The following TAF10 variants were observed in gnomAD, a reference collection of about 807,000 sequenced individuals.
TAF10 encodes transcription initiation factor TFIID subunit 10.
In TAF10, 2 loss-of-function variants were observed where a neutral mutation model predicts 18.1. The observed-to-expected ratio is 0.11, with a 90% CI of 0.05 to 0.35. TAF10 has a LOEUF of 0.35. Among genes scored for constraint, TAF10 ranks in the 10% least tolerant of loss-of-function variants. The probability of loss-of-function intolerance (pLI) is 1.00; values close to 1 mark genes in which losing one functional copy is unlikely to be tolerated. For missense variants in TAF10, 293 were observed against 306.9 expected (o/e 0.95, Z 0.34); for synonymous variants, 158 against 134.6 (o/e 1.17, Z -1.20).
Position 6,607,501 on chromosome 11 carries a change from T to C in TAF10, c.*3421A>G, listed in dbSNP as rs778466702. 6.2e-6 allele frequency: 1 copy of C among 161,674 alleles called. No homozygotes were observed. Among genetic ancestry groups the C allele is most frequent in the Non-Finnish European group, 1.4e-5 (1 of 73,210 alleles). The allele number at this position is 161,674 out of a possible 1,614,324, so 10.0% of individuals were successfully genotyped here. A position where few individuals can be genotyped will look rare whatever the true frequency, so the allele number is the denominator to read the frequency against. ...TCCATTCCATTTTTAGATGTTAGTTTCAGTACCAGAGCCAAATAGTAAGTT... is the reference window on the plus strand; with the variant it reads ...TCCATTCCATTTTTAGATGTTAGTTCCAGTACCAGAGCCAAATAGTAAGTT... On this transcript the variant is annotated 3_prime_UTR_variant, in exon 5 of 5. Coordinates refer to ENST00000299424, the MANE Select transcript of TAF10 (RefSeq NM_006284.4).
chr11:6,609,732 G>A lies in TAF10; in HGVS notation c.*1190C>T, dbSNP rs776651238. The A allele has an allele frequency of 6.2e-6, 10 of 1,614,054 alleles. No individual in the cohort carries two copies. Among genetic ancestry groups the A allele is most frequent in the East Asian group, 4.5e-5 (2 of 44,900 alleles). On this transcript the variant is annotated 3_prime_UTR_variant, in exon 5 of 5. Transcript: ENST00000299424. ...CTTTTGCCTCCTCTCAGATTTCGTC[G>A]TGGACCAGAGCCAGGCTGTGAAGTT...
Position 6,609,532 on chromosome 11 carries a change from T to C in TAF10, c.*1390A>G. 1 of 1,614,178 alleles carries C rather than the reference T, an allele frequency of 6.2e-7. No homozygotes were observed. Among genetic ancestry groups the C allele is most frequent in the Non-Finnish European group, 8.5e-7 (1 of 1,180,040 alleles). ...TCTAGGATTTTCTCGCATCCAAATG[T>C]GCTCCCAGTGCTAGGTGCCTGCCAG... On this transcript the variant is annotated 3_prime_UTR_variant, in exon 5 of 5. Transcript: ENST00000299424.
Position 6,607,949 on chromosome 11 carries a change from A to G in TAF10, c.*2973T>C. 7.8e-7 allele frequency: 1 copy of G among 1,279,040 alleles called. No individual in the cohort carries two copies. Among genetic ancestry groups the G allele is most frequent in the Non-Finnish European group, 1.1e-6 (1 of 895,076 alleles). The allele number at this position is 1,279,040 out of a possible 1,614,324, so 79.2% of individuals were successfully genotyped here. A position where few individuals can be genotyped will look rare whatever the true frequency, so the allele number is the denominator to read the frequency against. ...TGAGAATCAAAGTCCTAGAGAGGTAAGCCTTCCCAGAGAGTATGTAATTAT... is the reference window on the plus strand; with the variant it reads ...TGAGAATCAAAGTCCTAGAGAGGTAGGCCTTCCCAGAGAGTATGTAATTAT... On this transcript the variant is annotated 3_prime_UTR_variant, in exon 5 of 5. Coordinates refer to ENST00000299424, the MANE Select transcript of TAF10 (RefSeq NM_006284.4).
Position 6,612,127 on chromosome 11 carries a change from CG to C in TAF10, c.62del (p.Pro21ArgfsTer87). On this transcript the variant is annotated frameshift_variant, in exon 1 of 5. Transcript: ENST00000299424. LOFTEE classifies it high-confidence loss of function. Reference protein sequence around the residue: ...EAAPASAASAPGPAPPVSAPA... With the variant: ...EAAPASAASAXGPAPPVSAPA... Reference sequence around the variant, plus strand: ...GAGCCGAGACCGGGGGCGCGGGGCCCGGGGCCGAGGCGGCGGAGGCCGGCGC... The same window carrying C: ...GAGCCGAGACCGGGGGCGCGGGGCCCGGGCCGAGGCGGCGGAGGCCGGCGC... The C allele has an allele frequency of 8.3e-7, 1 of 1,211,256 alleles. No homozygotes were observed. The highest frequency in any genetic ancestry group is 1.0e-6 in the Non-Finnish European group (1 of 976,274). 75.0% of individuals were successfully genotyped at this position (1,211,256 alleles called of 1,614,324 possible).
At position 6,610,620 on chromosome 11, in the gene TAF10, G is replaced by T. The variant is rs749954343; in HGVS notation, c.*302C>A. 3.1e-6 allele frequency: 5 copies of T among 1,614,142 alleles called. No individual in the cohort carries two copies. Among genetic ancestry groups the T allele is most frequent in the Non-Finnish European group, 4.2e-6 (5 of 1,179,980 alleles). ...AGATGCAGGACAAGTAGGACTGGAA[G>T]GTCCTTGCCTGAACTCCAGAGGTGT... On this transcript the variant is annotated 3_prime_UTR_variant, in exon 5 of 5. Transcript: ENST00000299424.
rs776664675 is a variant in TAF10, at chr11:6,611,944, G to GTCCCGGCCCTC, written c.232+3_232+13dup. 1 of 1,574,042 alleles carries GTCCCGGCCCTC rather than the reference G, an allele frequency of 6.4e-7. No homozygotes were observed. The highest frequency in any genetic ancestry group is 1.7e-5 in the Admixed American group (1 of 57,556). The stretch of plus-strand genomic sequence containing the variant: ...CAAGACGCTTCCCTCGCCCTCACCC[G>GTCCCGGCCCTC]TCCCGGCCCTCACCCGCCCCACGCC... On this transcript the variant is annotated intron_variant, in intron 1 of 4. Coordinates refer to ENST00000299424, the MANE Select transcript of TAF10 (RefSeq NM_006284.4).
Position 6,610,800 on chromosome 11 carries a change from A to T in TAF10, c.*122T>A. The T allele has an allele frequency of 7.3e-7, 1 of 1,370,582 alleles. No homozygotes were observed. The highest frequency in any genetic ancestry group is 1.0e-6 in the Non-Finnish European group (1 of 971,740). The allele number at this position is 1,370,582 out of a possible 1,614,324, so 84.9% of individuals were successfully genotyped here. On this transcript the variant is annotated 3_prime_UTR_variant, in exon 5 of 5. Coordinates refer to ENST00000299424, the MANE Select transcript of TAF10 (RefSeq NM_006284.4). ...AGAGGGGCGGGCTCAGAGCTTTGTC[A>T]CTTGCCACATGGTGTCTCCCAACAT...
At position 6,608,563 on chromosome 11, in the gene TAF10, C is replaced by G; in HGVS notation, c.*2359G>C. 7.1e-7 allele frequency: 1 copy of G among 1,399,996 alleles called. No homozygotes were observed. 86.7% of individuals were successfully genotyped at this position (1,399,996 alleles called of 1,614,324 possible). On this transcript the variant is annotated 3_prime_UTR_variant, in exon 5 of 5. Transcript: ENST00000299424. The surrounding 1 kb of genome is among the most constrained non-coding windows in gnomAD (Gnocchi z 4.9). The stretch of plus-strand genomic sequence containing the variant: ...AGCCTTGGTGGGAGATTTTGGAACC[C>G]TCAACCCATTCTGTCAGTACTACTG...
chr11:6,612,021 C>G lies in TAF10; in HGVS notation c.169G>C (p.Ala57Pro). The G allele has an allele frequency of 3.9e-6, 6 of 1,528,330 alleles. No homozygotes were observed. Among genetic ancestry groups the G allele is most frequent in the South Asian group, 2.4e-5 (2 of 82,766 alleles). 94.7% of individuals were successfully genotyped at this position (1,528,330 alleles called of 1,614,324 possible). ...GCCAAGGGTCCCGTGCCCCCAGCAG[C>G]TGCTCCAGCCCCAGGTCCCCCCGCT... The part of the protein sequence containing the change: ...GTAGGPGAGA[A>P]AGGTGPLAAR... Residue 57 changes from alanine to proline, a missense_variant, in exon 1 of 5, where the codon GCT becomes CCT. Physicochemically the swap from Ala to Pro is conservative, Grantham distance 27 (BLOSUM62 -1). Coordinates refer to ENST00000299424, the MANE Select transcript of TAF10 (RefSeq NM_006284.4).
chr11:6,611,502 G>T (rs776144195), intron 2 of TAF10, 50 bp from the exon 3 acceptor site: 1 of 1,609,004 alleles, frequency 6.2e-7, no homozygotes, highest in Middle Eastern at 1.7e-4. Flanking sequence ...GAGGGTGAGG[G>T]AAATGGATAG....
In TAF10 at chr11:6,611,725, G is replaced by A. The variant is rs1855467166; in HGVS notation, c.326C>T (p.Pro109Leu). The A allele has an allele frequency of 1.2e-6, 2 of 1,612,010 alleles. No homozygotes were observed. Among genetic ancestry groups the A allele is most frequent in the South Asian group, 2.2e-5 (2 of 90,830 alleles). The change falls in exon 2 of 5, where the codon CCC becomes CTC. Residue 109 changes from proline to leucine, a missense_variant. Pro to Leu is a moderately conservative substitution (Grantham distance 98). Transcript: ENST00000299424. Reference sequence around the variant, plus strand: ...CACCAAAGGCGTGCTGGACACCACGGGCTTCACGTCTCCGTTGGCCGCGCT... The same window carrying A: ...CACCAAAGGCGTGCTGGACACCACGAGCTTCACGTCTCCGTTGGCCGCGCT... ...LPSAANGDVK[P>L]VVSSTPLVDF...
chr11:6,606,414 T>G lies in TAF10; in HGVS notation c.*4508A>C, dbSNP rs1854912709. The G allele has an allele frequency of 6.6e-6, 1 of 152,234 alleles. No individual in the cohort carries two copies. Among genetic ancestry groups the G allele is most frequent in the Non-Finnish European group, 1.5e-5 (1 of 68,044 alleles). 9.4% of individuals were successfully genotyped at this position (152,234 alleles called of 1,614,324 possible). ...TGGTTCCCATTAGGTTCTACACTATTTCTCTTTAATACTTTGCAAAGTCAT... is the reference window on the plus strand; with the variant it reads ...TGGTTCCCATTAGGTTCTACACTATGTCTCTTTAATACTTTGCAAAGTCAT... On this transcript the variant is annotated 3_prime_UTR_variant, in exon 5 of 5. Coordinates refer to ENST00000299424, the MANE Select transcript of TAF10 (RefSeq NM_006284.4).
chr11:6,608,267 C>A lies in TAF10; in HGVS notation c.*2655G>T, dbSNP rs570326437. 314 of 1,596,748 alleles carry A rather than the reference C, an allele frequency of 2.0e-4. 1 individual carries two copies. Among genetic ancestry groups the A allele is most frequent in the Non-Finnish European group, 2.5e-4 (295 of 1,164,242 alleles). The stretch of plus-strand genomic sequence containing the variant: ...ACATACATGCCATGAGGGTCAGTCA[C>A]AGGCACTGTAACATACAGTAGAAAG... On this transcript the variant is annotated 3_prime_UTR_variant, in exon 5 of 5. Coordinates refer to ENST00000299424, the MANE Select transcript of TAF10 (RefSeq NM_006284.4). The surrounding 1 kb of genome is among the most constrained non-coding windows in gnomAD (Gnocchi z 4.9).
Position 6,610,726 on chromosome 11 carries a change from C to T in TAF10, c.*196G>A. 3.5e-6 allele frequency: 5 copies of T among 1,411,858 alleles called. No homozygotes were observed. Among genetic ancestry groups the T allele is most frequent in the Non-Finnish European group, 5.0e-6 (5 of 1,007,564 alleles). The allele number at this position is 1,411,858 out of a possible 1,614,324, so 87.5% of individuals were successfully genotyped here. A position where few individuals can be genotyped will look rare whatever the true frequency, so the allele number is the denominator to read the frequency against. On this transcript the variant is annotated 3_prime_UTR_variant, in exon 5 of 5. Transcript: ENST00000299424. ...CCCCGCCTCCAGTCATGGTACTACC[C>T]CAGCCATGGGGTCCATCCCCTTCCC...
rs769091537 is a variant in TAF10, at chr11:6,609,696, GA to G, written c.*1225del. 3 of 1,614,048 alleles carry G rather than the reference GA, an allele frequency of 1.9e-6. No homozygotes were observed. The highest frequency in any genetic ancestry group is 2.5e-6 in the Non-Finnish European group (3 of 1,180,022). ...GAAATGGCAGAGAGGGAGCCTCTCT[GA>G]ACTATTTGACTTTTGCCTCCTCTCA... On this transcript the variant is annotated 3_prime_UTR_variant, in exon 5 of 5. Coordinates refer to ENST00000299424, the MANE Select transcript of TAF10 (RefSeq NM_006284.4).
Position 6,608,776 on chromosome 11 carries a change from G to A in TAF10, c.*2146C>T. ...GTGGACAAAGCCAAGGCACCCCTGA[G>A]AGAGCTTCTCCGAGGTCCATCTCCC... On this transcript the variant is annotated 3_prime_UTR_variant, in exon 5 of 5. Transcript: ENST00000299424. This position sits in a 1 kb window ranked among gnomAD's most constrained non-coding sequence, Gnocchi z 4.9. The A allele has an allele frequency of 6.2e-7, 1 of 1,614,072 alleles. No homozygotes were observed. The highest frequency in any genetic ancestry group is 1.1e-5 in the South Asian group (1 of 91,084).
chr11:6,609,857 A>G lies in TAF10; in HGVS notation c.*1065T>C, dbSNP rs1855324175. 11 of 1,614,246 alleles carry G rather than the reference A, an allele frequency of 6.8e-6. No homozygotes were observed. The highest frequency in any genetic ancestry group is 8.5e-6 in the Non-Finnish European group (10 of 1,180,044). On this transcript the variant is annotated 3_prime_UTR_variant, in exon 5 of 5. Transcript: ENST00000299424. Reference sequence around the variant, plus strand: ...GCCGTAGTGTAATGGTGAGGCCACAAGCTCACTCCTGGCCCAGGCCCCAAA... The same window carrying G: ...GCCGTAGTGTAATGGTGAGGCCACAGGCTCACTCCTGGCCCAGGCCCCAAA...
rs1854968261 is a variant in TAF10 at position 6,606,903 on chromosome 11, G to A, written c.*4019C>T. 6.6e-6 allele frequency: 1 copy of A among 152,226 alleles called. No individual in the cohort carries two copies. The highest frequency in any genetic ancestry group is 1.5e-5 in the Non-Finnish European group (1 of 68,062). The allele number at this position is 152,226 out of a possible 1,614,324, so 9.4% of individuals were successfully genotyped here. On this transcript the variant is annotated 3_prime_UTR_variant, in exon 5 of 5. Coordinates refer to ENST00000299424, the MANE Select transcript of TAF10 (RefSeq NM_006284.4). ...GAGGCAAGACCAACTGATAAACAGG[G>A]GGCGTAATGCTTCCTGGGGATAATC...
In TAF10 at chr11:6,612,200, G is replaced by A. The variant is rs1286661307; in HGVS notation, c.-11C>T. ...GCCGCTGCAGCTCATCGGGCCGGTGGGAGAGGCGGCGAACAGAGCCGCTTC... is the reference window on the plus strand; with the variant it reads ...GCCGCTGCAGCTCATCGGGCCGGTGAGAGAGGCGGCGAACAGAGCCGCTTC... On this transcript the variant is annotated 5_prime_UTR_variant, in exon 1 of 5. Coordinates refer to ENST00000299424, the MANE Select transcript of TAF10 (RefSeq NM_006284.4). 1 of 1,239,102 alleles carries A rather than the reference G, an allele frequency of 8.1e-7. No individual in the cohort carries two copies. The highest frequency in any genetic ancestry group is 4.1e-5 in the East Asian group (1 of 24,384). The allele number at this position is 1,239,102 out of a possible 1,614,324, so 76.8% of individuals were successfully genotyped here.
Sources: allele counts gnomAD v4.1 joint callset, GRCh38; gene constraint gnomAD v4.1.1; non-coding constraint Gnocchi (gnomAD v3.1); transcripts MANE v1.5; gene names NCBI Gene and HGNC (gene_info 2026-07-23, HGNC 2026-07-21).